The following CCDC178 variants were observed in gnomAD, a reference collection of about 807,000 sequenced individuals.
CCDC178 encodes the protein coiled-coil domain containing 178.
CCDC178 carries 126 observed loss-of-function variants against 117.4 expected under a neutral mutation model. That is an observed-to-expected ratio of 1.07 (90% confidence interval 0.93 to 1.24). CCDC178 has a LOEUF of 1.24. Ranked by LOEUF, CCDC178 falls within the 50% of genes most tolerant of loss-of-function variation. The probability of loss-of-function intolerance (pLI) is 0.00; values close to 1 mark genes in which losing one functional copy is unlikely to be tolerated. For missense variants in CCDC178, 1,030 were observed against 986.9 expected, an observed-to-expected ratio of 1.04 and a Z score of -0.59; for synonymous variants, 283 against 313.4, an observed-to-expected ratio of 0.90 and a Z score of 1.02.
Position 33,092,829 on chromosome 18 carries a change from T to C in CCDC178, c.2320A>G (p.Lys774Glu). ...QQLQITFLKE[K>E]DNYFNIYDKQ... The stretch of plus-strand genomic sequence containing the variant: ...TCATATATATTGAAATAATTGTCCT[T>C]TTCTTTTAAGAATGTAATCTGTAGC... Residue 774 changes from lysine to glutamate, a missense_variant, in exon 21 of 23, where the codon AAG (lysine) becomes GAG (glutamate). By Grantham distance (56) the Lys-to-Glu change is moderately conservative. Coordinates refer to ENST00000383096, the MANE Select transcript of CCDC178 (RefSeq NM_001105528.4). 6.3e-7 allele frequency: 1 copy of C among 1,574,804 alleles called. No homozygotes were observed. The highest frequency in any genetic ancestry group is 1.4e-5 in the African/African-American group (1 of 73,590).
At chr18:33,332,991 T>C (rs546152823) in intron 10 of CCDC178, among the ~76,000 whole-genome samples, 183 bp downstream of exon 10, 170 of 150,416 alleles carry the variant, frequency 1.1e-3, no homozygotes, top group African/African-American at 3.9e-3. Flanking sequence ...TTAAATATAA[T>C]GGTAAGAAAA....
chr18:33,180,259 T>G (rs1241294171), intron 20 of CCDC178, among the ~76,000 whole-genome samples: 1 of 151,840 alleles, frequency 6.6e-6, no homozygotes, highest in Admixed American at 6.6e-5. Flanking sequence ...TTTTTTCTAT[T>G]TATGTATAAC....
chr18:32,996,967 A>G (rs2055524147), intron 21 of CCDC178, among the ~76,000 whole-genome samples: 1 of 152,230 alleles, frequency 6.6e-6, no homozygotes, highest in Admixed American at 6.5e-5. Flanking sequence ...TAGAATAACC[A>G]ATTCTATTAA....
Position 33,215,536 on chromosome 18 carries a change from G to A in CCDC178, c.2078+14C>T, listed in dbSNP as rs374381010. Reference sequence around the variant, plus strand: ...TTTAAAAACTTCATATTTTGATAAAGTTTAAGTACTTACTTTAATATTTCA... The same window carrying A: ...TTTAAAAACTTCATATTTTGATAAAATTTAAGTACTTACTTTAATATTTCA... On this transcript the variant is annotated intron_variant, in intron 19 of 22. Transcript: ENST00000383096. 665 of 1,249,846 alleles carry A rather than the reference G, an allele frequency of 5.3e-4. 1 individual carries two copies. Among genetic ancestry groups the A allele is most frequent in the Non-Finnish European group, 5.7e-4 (530 of 930,974 alleles). 77.4% of individuals were successfully genotyped at this position (1,249,846 alleles called of 1,614,324 possible). A position where few individuals can be genotyped will look rare whatever the true frequency, so the allele number is the denominator to read the frequency against.
chr18:33,223,937 C>A (rs866012291), intron 17 of CCDC178, among the ~76,000 whole-genome samples: 1 of 152,150 alleles, frequency 6.6e-6, no homozygotes, highest in Non-Finnish European at 1.5e-5. Context: ...ACCTTATACA[C>A]GTTGCTCAGG....
At chr18:33,066,108 G>C (rs570190550) in intron 21 of CCDC178, among the ~76,000 whole-genome samples, 1 of 151,846 alleles carries the variant, frequency 6.6e-6, no homozygotes, top group Admixed American at 6.6e-5. Context: ...TGATCCACCC[G>C]CCTCGGCCTC....
chr18:33,149,591 A>G (rs2144335412), intron 20 of CCDC178, among the ~76,000 whole-genome samples: 1 of 152,298 alleles, frequency 6.6e-6, no homozygotes, highest in African/African-American at 2.4e-5. Context: ...CAGTGAAAAT[A>G]GAGAGCCACA....
intron 20 of CCDC178, among the ~76,000 whole-genome samples, chr18:33,127,015 T>TATACAC (rs1197743304): frequency 2.1e-5 from 3 of 142,392 alleles, no homozygotes; most frequent in African/African-American, 8.0e-5. Flanking sequence ...TATATATATA[T>TATACAC]ACACACACAC....
chr18:33,410,715 T>C (rs974982174), intron 3 of CCDC178, among the ~76,000 whole-genome samples: 6 of 152,186 alleles, frequency 3.9e-5, no homozygotes, highest in Non-Finnish European at 8.8e-5. Context: ...CTTTGCAGTG[T>C]GACTTTGCAG....
chr18:33,342,153 C>A (rs2062825091), intron 9 of CCDC178, among the ~76,000 whole-genome samples: 1 of 151,764 alleles, frequency 6.6e-6, no homozygotes, highest in African/African-American at 2.4e-5. Flanking sequence ...GATGAGATTA[C>A]TGTGAAATAT....
intron 20 of CCDC178, among the ~76,000 whole-genome samples, chr18:33,104,302 A>G (rs166639): frequency 0.14 from 21,568 of 151,616 alleles, 2,377 homozygotes; most frequent in African/African-American, 0.31. Flanking sequence ...ATTCATAACC[A>G]TGAGATTTCT....
At chr18:33,205,954 A>G (rs939894308) in intron 20 of CCDC178, among the ~76,000 whole-genome samples, 4 of 152,174 alleles carry the variant, frequency 2.6e-5, no homozygotes, top group African/African-American at 7.2e-5. Flanking sequence ...TTGGCCTTCT[A>G]AAGTGTTGGG....
In CCDC178 at chr18:33,030,532, G is replaced by GATAGATAGATAC. The variant is rs1555630267; in HGVS notation, c.2389-55852_2389-55851insGTATCTATCTAT. ...AGACAGAACTGATAGAAGATAGATAGATAGATAGATAGATAGATAGATAGA... is the reference window on the plus strand; with the variant it reads ...AGACAGAACTGATAGAAGATAGATAGATAGATAGATACATAGATAGATAGATAGATAGATAGA... On this transcript the variant is annotated intron_variant, in intron 21 of 22. Transcript: ENST00000383096. Among the ~76,000 whole-genome samples the GATAGATAGATAC allele has an allele frequency of 4.2e-4, 64 of 151,334 alleles. 1 individual carries two copies. Among genetic ancestry groups the GATAGATAGATAC allele is most frequent in the Middle Eastern group, 3.5e-3 (1 of 284 alleles).
intron 10 of CCDC178, among the ~76,000 whole-genome samples, chr18:33,329,633 G>A (rs2062636148): frequency 6.6e-6 from 1 of 151,842 alleles, no homozygotes; most frequent in South Asian, 2.1e-4. Context: ...TGTATTCCTG[G>A]GATAAATGCC....
At chr18:33,226,887 T>A in intron 15 of CCDC178, 32 bp from the exon 16 acceptor site, 1 of 1,264,566 alleles carries the variant, frequency 7.9e-7, no homozygotes, top group Non-Finnish European at 1.1e-6. Flanking sequence ...AAATGAGGAT[T>A]TTCTTCATAA....
chr18:32,994,687 A>G (rs1298962602), intron 21 of CCDC178, among the ~76,000 whole-genome samples: 1 of 152,206 alleles, frequency 6.6e-6, no homozygotes, highest in East Asian at 1.9e-4. Context: ...AGAAATTATG[A>G]GTTAGCAACT....
intron 20 of CCDC178, among the ~76,000 whole-genome samples, chr18:33,133,537 A>T (rs1598916687): frequency 6.6e-6 from 1 of 151,868 alleles, no homozygotes; most frequent in Non-Finnish European, 1.5e-5. Flanking sequence ...ATCTTTCTTT[A>T]ATCAATTTCC....
chr18:33,370,193 A>T lies in CCDC178; in HGVS notation c.209-4T>A. 6.3e-7 allele frequency: 1 copy of T among 1,583,436 alleles called. No homozygotes were observed. The highest frequency in any genetic ancestry group is 1.9e-5 in the Admixed American group (1 of 53,324). On this transcript the variant is annotated splice_polypyrimidine_tract_variant and splice_region_variant and intron_variant, in intron 5 of 22. Transcript: ENST00000383096. Reference sequence around the variant, plus strand: ...AAGTAAATGCCTTTATTCACCCCTAAAGAGAACAAATAGAAGTTCATTACT... The same window carrying T: ...AAGTAAATGCCTTTATTCACCCCTATAGAGAACAAATAGAAGTTCATTACT...
chr18:32,977,890 C>T lies in CCDC178; in HGVS notation c.2389-3209G>A, dbSNP rs145772910. Among the ~76,000 whole-genome samples the T allele has an allele frequency of 5.4e-3, 829 of 152,146 alleles. 9 individuals are homozygous for T. Among genetic ancestry groups the T allele is most frequent in the Non-Finnish European group, 6.2e-3 (420 of 68,000 alleles). On this transcript the variant is annotated intron_variant, in intron 21 of 22. Coordinates refer to ENST00000383096, the MANE Select transcript of CCDC178 (RefSeq NM_001105528.4). ...TAATAAATTAATACTATTAAAGTAGCCACAAATATGATAAAAAGCAAGTAA... is the reference window on the plus strand; with the variant it reads ...TAATAAATTAATACTATTAAAGTAGTCACAAATATGATAAAAAGCAAGTAA...
Sources: gnomAD v4.1 joint callset for allele counts (sites outside exome capture counted in the v4.1 genomes callset) on GRCh38, gnomAD v4.1.1 for gene constraint, MANE v1.5 for transcripts, NCBI Gene and HGNC (gene_info 2026-07-23, HGNC 2026-07-21) for gene names.